ST8SIA4: variants seen among roughly 807,000 people sequenced by gnomAD.
The protein encoded by ST8SIA4 is CMP-N-acetylneuraminate-poly-alpha-2,8-sialyltransferase.
ST8SIA4 carries 15 observed loss-of-function variants against 33.9 expected under a neutral mutation model. The observed-to-expected ratio is 0.44, with a 90% CI of 0.30 to 0.68. ST8SIA4 has a LOEUF of 0.68. Among genes scored for constraint, ST8SIA4 ranks in the 30% least tolerant of loss-of-function variants. The pLI is 0.10. For synonymous variants in ST8SIA4, 171 were observed against 151.2 expected, an observed-to-expected ratio of 1.13 and a Z score of -0.96; for missense variants, 321 against 428.0, an observed-to-expected ratio of 0.75 and a Z score of 2.21.
At chr5:100,882,464 T>C (rs914552855) in intron 3 of ST8SIA4, among the ~76,000 whole-genome samples, 10 of 152,234 alleles carry the variant, frequency 6.6e-5, no homozygotes, top group Non-Finnish European at 2.9e-5. Flanking sequence ...TTGGAAAATT[T>C]GCAGCCTGAC....
chr5:100,817,109 A>ATTTTTTTTTTTTTTTTTTTTTTTTTT (rs57222657), intron 4 of ST8SIA4, among the ~76,000 whole-genome samples: 2 of 74,326 alleles, frequency 2.7e-5, no homozygotes, highest in Non-Finnish European at 2.2e-5. Context: ...CACCCAGCTA[A>ATTTTTTTTTTTTTTTTTTTTTTTTTT]TTTTTTTTTT....
chr5:100,895,572 C>T, intron 2 of ST8SIA4, 82 bp downstream of exon 2: 1 of 1,316,202 alleles, frequency 7.6e-7, no homozygotes, highest in Non-Finnish European at 1.1e-6. Context: ...ACCATAAATC[C>T]AGTGTTGAAT....
At chr5:100,886,301 C>T (rs760578717) in intron 3 of ST8SIA4, 42 bp downstream of exon 3, 1 of 1,584,836 alleles carries the variant, frequency 6.3e-7, no homozygotes, top group Non-Finnish European at 8.6e-7. Flanking sequence ...AGTAAAATAT[C>T]TTTGAAAAAC....
intron 4 of ST8SIA4, among the ~76,000 whole-genome samples, chr5:100,826,257 T>C (rs1751141763): frequency 6.6e-6 from 1 of 152,186 alleles, no homozygotes; most frequent in Admixed American, 6.5e-5. Flanking sequence ...GTTTCTTCTC[T>C]ATATTTAAGA....
chr5:100,880,116 C>A (rs754451286), intron 3 of ST8SIA4, among the ~76,000 whole-genome samples: 1 of 152,092 alleles, frequency 6.6e-6, no homozygotes, highest in South Asian at 2.1e-4. Context: ...TCTTTCCCTC[C>A]CTTTCTTCTT....
At chr5:100,902,249 A>G (rs1468674343) in intron 1 of ST8SIA4, among the ~76,000 whole-genome samples, 1 of 152,226 alleles carries the variant, frequency 6.6e-6, no homozygotes, top group Non-Finnish European at 1.5e-5. Flanking sequence ...GTTTCTTTCT[A>G]AAACTGTAAC....
intron 4 of ST8SIA4, among the ~76,000 whole-genome samples, chr5:100,834,022 A>C (rs1186020927): frequency 6.6e-6 from 1 of 152,238 alleles, no homozygotes; most frequent in African/African-American, 2.4e-5. Context: ...GAATGAAAGA[A>C]TTAAAGGATA....
chr5:100,889,637 T>C (rs1312517102), intron 2 of ST8SIA4, among the ~76,000 whole-genome samples: 1 of 151,920 alleles, frequency 6.6e-6, no homozygotes, highest in African/African-American at 2.4e-5. Context: ...TCTTTTAAGT[T>C]CCTGATTATA....
intron 4 of ST8SIA4, among the ~76,000 whole-genome samples, chr5:100,852,876 C>T (rs1751734943): frequency 6.6e-6 from 1 of 152,148 alleles, no homozygotes; most frequent in Non-Finnish European, 1.5e-5. Flanking sequence ...CTAAATGATC[C>T]TCACTGTGTT....
intron 4 of ST8SIA4, among the ~76,000 whole-genome samples, chr5:100,815,629 T>G (rs562960940): frequency 6.6e-6 from 1 of 152,202 alleles, no homozygotes; most frequent in East Asian, 1.9e-4. Context: ...CTGTTTTGGC[T>G]AAGTGAGGTG....
chr5:100,830,898 A>G (rs1751244491), intron 4 of ST8SIA4, among the ~76,000 whole-genome samples: 1 of 152,226 alleles, frequency 6.6e-6, no homozygotes, highest in Non-Finnish European at 1.5e-5. Context: ...CTATACTTGC[A>G]TATGACTTCA....
chr5:100,891,591 TGAA>T (rs2112478617), intron 2 of ST8SIA4, among the ~76,000 whole-genome samples: 1 of 152,186 alleles, frequency 6.6e-6, no homozygotes, highest in East Asian at 1.9e-4. Context: ...CAATATTTGA[TGAA>T]GAGCATTTTT....
chr5:100,811,699 G>A lies in ST8SIA4; in HGVS notation c.*148C>T. On this transcript the variant is annotated 3_prime_UTR_variant, in exon 5 of 5. Coordinates refer to ENST00000231461, the MANE Select transcript of ST8SIA4 (RefSeq NM_005668.6). ...AGAGCACTTTGCAGGTATTTCATCA[G>A]CTGGTAGTCGATTTCTCATGAACGT... 1.3e-6 allele frequency: 1 copy of A among 783,022 alleles called. No individual in the cohort carries two copies. The highest frequency in any genetic ancestry group is 1.9e-5 in the South Asian group (1 of 51,790). 48.5% of individuals were successfully genotyped at this position (783,022 alleles called of 1,614,324 possible). A position where few individuals can be genotyped will look rare whatever the true frequency, so the allele number is the denominator to read the frequency against.
rs570986277 is a variant in ST8SIA4, at chr5:100,817,285, T to C, written c.798-5156A>G. On this transcript the variant is annotated intron_variant, in intron 4 of 4. Transcript: ENST00000231461. ...CCCAGCCAGATAATTGGCTTTCTATTAGTAATCTTTGCAGGACATATCTGC... is the reference window on the plus strand; with the variant it reads ...CCCAGCCAGATAATTGGCTTTCTATCAGTAATCTTTGCAGGACATATCTGC... 3.0e-4 allele frequency among the ~76,000 whole-genome samples: 46 copies of C among 151,984 alleles called. No homozygotes were observed. The South Asian group carries it at 7.1e-3, about 23-fold the overall frequency.
At chr5:100,838,776 A>G (rs1001025458) in intron 4 of ST8SIA4, among the ~76,000 whole-genome samples, 1 of 152,034 alleles carries the variant, frequency 6.6e-6, no homozygotes, top group Non-Finnish European at 1.5e-5. Context: ...CTTAGAAGCT[A>G]TTCTCTGGCA....
At chr5:100,877,804 C>G (rs757718465) in intron 3 of ST8SIA4, among the ~76,000 whole-genome samples, 2 of 152,112 alleles carry the variant, frequency 1.3e-5, no homozygotes, top group Non-Finnish European at 2.9e-5. Flanking sequence ...TTCATATACT[C>G]TATATTTAAA....
In ST8SIA4 at chr5:100,808,054, C is replaced by A. The variant is rs564004312; in HGVS notation, c.*3793G>T. The stretch of plus-strand genomic sequence containing the variant: ...CTAACTATACACAACTCTTCCCATA[C>A]CCCTTCCACAATTATATATACTCCC... On this transcript the variant is annotated 3_prime_UTR_variant, in exon 5 of 5. Transcript: ENST00000231461. 6.6e-6 allele frequency: 1 copy of A among 152,562 alleles called. No individual in the cohort carries two copies. The highest frequency in any genetic ancestry group is 2.1e-4 in the South Asian group (1 of 4,826). The allele number at this position is 152,562 out of a possible 1,614,324, so 9.5% of individuals were successfully genotyped here.
At chr5:100,855,961 G>T in intron 4 of ST8SIA4, 142 bp downstream of exon 4, 2 of 836,688 alleles carry the variant, frequency 2.4e-6, no homozygotes, top group Non-Finnish European at 3.6e-6. Context: ...CTTCAAGTTT[G>T]TAAATAGAGT....
chr5:100,902,567 G>T (rs1752944049), intron 1 of ST8SIA4, among the ~76,000 whole-genome samples: 1 of 152,154 alleles, frequency 6.6e-6, no homozygotes, highest in Non-Finnish European at 1.5e-5. Context: ...GTTCTTTGTT[G>T]ACACTTCTGC....
Sources: gnomAD v4.1 joint callset for allele counts (sites outside exome capture counted in the v4.1 genomes callset) on GRCh38, gnomAD v4.1.1 for gene constraint, MANE v1.5 for transcripts, NCBI Gene and HGNC (gene_info 2026-07-23, HGNC 2026-07-21) for gene names.